HCN1: variants seen among roughly 807,000 people sequenced by gnomAD.
HCN1 encodes the protein hyperpolarization activated cyclic nucleotide gated potassium channel 1.
Under a neutral mutation model 78.9 loss-of-function variants are expected in HCN1, and 13 were observed. The ratio of observed to expected loss-of-function variants is 0.16; its 90% CI spans 0.11 to 0.26. HCN1 has a LOEUF of 0.26. Among genes scored for constraint, HCN1 ranks in the 10% least tolerant of loss-of-function variants. The probability of loss-of-function intolerance (pLI) is 1.00; values close to 1 mark genes in which losing one functional copy is unlikely to be tolerated. For synonymous variants in HCN1, 552 were observed against 455.5 expected, an observed-to-expected ratio of 1.21 and a Z score of -2.70; for missense variants, 810 against 1,154.3, an observed-to-expected ratio of 0.70 and a Z score of 4.32.
intron 6 of HCN1, among the ~76,000 whole-genome samples, chr5:45,286,838 T>A (rs1481972625): frequency 6.6e-6 from 1 of 152,032 alleles, no homozygotes; most frequent in Non-Finnish European, 1.5e-5. Context: ...ATCCCAATAA[T>A]GTAAGTTTAA....
At chr5:45,568,941 G>A (rs1579974621) in intron 2 of HCN1, among the ~76,000 whole-genome samples, 1 of 151,994 alleles carries the variant, frequency 6.6e-6, no homozygotes, top group Admixed American at 6.6e-5. Flanking sequence ...CTCAGAAACC[G>A]AAATTCCCCT....
chr5:45,426,913 A>G (rs996539750), intron 3 of HCN1, among the ~76,000 whole-genome samples: 10 of 152,300 alleles, frequency 6.6e-5, no homozygotes, highest in Middle Eastern at 3.4e-3. Context: ...AAAATTTAGC[A>G]GTTTCTATGT....
chr5:45,323,436 A>G (rs1746166152), intron 5 of HCN1, among the ~76,000 whole-genome samples: 1 of 151,936 alleles, frequency 6.6e-6, no homozygotes, highest in Non-Finnish European at 1.5e-5. Context: ...CTGTAGAACA[A>G]TCATGATATC....
intron 6 of HCN1, among the ~76,000 whole-genome samples, chr5:45,300,968 C>G (rs969542477): frequency 6.6e-6 from 1 of 151,954 alleles, no homozygotes; most frequent in Admixed American, 6.6e-5. Context: ...AATGGAACTT[C>G]AAAATTTTCC....
Position 45,262,297 on chromosome 5 carries a change from T to G in HCN1, c.2297A>C (p.Glu766Ala). ...AAGCGCCTGCGTGCTCTTGTGCACT[T>G]CATTTTTCGGCGTGGAGCTGCCAGG... Reference protein sequence around the residue: ...QTPGSSTPKNEVHKSTQALHN... With the variant: ...QTPGSSTPKNAVHKSTQALHN... The change falls in exon 8 of 8, where the codon GAA (glutamate) becomes GCA (alanine). Residue 766 changes from glutamate (E) to alanine (A), a missense_variant. Physicochemically the swap from Glu to Ala is moderately radical, Grantham distance 107. Around this residue, in one of 6 missense-constraint regions of HCN1, gnomAD observed 398 missense variants for 381.3 expected, o/e 1.04. Coordinates refer to ENST00000303230, the MANE Select transcript of HCN1 (RefSeq NM_021072.4). 6.2e-7 allele frequency: 1 copy of G among 1,614,008 alleles called. No homozygotes were observed. The highest frequency in any genetic ancestry group is 8.5e-7 in the Non-Finnish European group (1 of 1,180,032).
intron 1 of HCN1, among the ~76,000 whole-genome samples, chr5:45,669,503 G>A (rs1746109896): frequency 6.6e-6 from 1 of 151,700 alleles, no homozygotes; most frequent in African/African-American, 2.4e-5. Context: ...CCAGGACCAA[G>A]GAAACAGCTT....
At chr5:45,597,133 C>T (rs1744517946) in intron 2 of HCN1, among the ~76,000 whole-genome samples, 1 of 152,040 alleles carries the variant, frequency 6.6e-6, no homozygotes, top group South Asian at 2.1e-4. Flanking sequence ...TTTTTTAGAC[C>T]AATATCCCTG....
chr5:45,678,751 T>A (rs1038182186), intron 1 of HCN1, among the ~76,000 whole-genome samples: 2 of 152,050 alleles, frequency 1.3e-5, no homozygotes, highest in African/African-American at 4.8e-5. Flanking sequence ...TAAACTTAAG[T>A]ACAGTCTAAA....
At chr5:45,283,778 A>G (rs1196556191) in intron 6 of HCN1, among the ~76,000 whole-genome samples, 1 of 152,202 alleles carries the variant, frequency 6.6e-6, no homozygotes, top group Admixed American at 6.6e-5. Context: ...GGAACCAGCT[A>G]TCCCATTACC....
At chr5:45,375,368 CAA>C (rs1183095097) in intron 4 of HCN1, among the ~76,000 whole-genome samples, 63 of 98,846 alleles carry the variant, frequency 6.4e-4, no homozygotes, top group Non-Finnish European at 9.3e-4. Context: ...TTATGATATA[CAA>C]TATATATAAT....
At chr5:45,626,821 C>T (rs956459043) in intron 2 of HCN1, among the ~76,000 whole-genome samples, 10 of 151,790 alleles carry the variant, frequency 6.6e-5, no homozygotes, top group South Asian at 2.1e-4. Flanking sequence ...ATTTGGAGGA[C>T]GCAGAGAGTT....
intron 6 of HCN1, among the ~76,000 whole-genome samples, chr5:45,272,500 T>C (rs1431579243): frequency 2.0e-5 from 3 of 152,092 alleles, no homozygotes; most frequent in African/African-American, 7.2e-5. Flanking sequence ...TTATAGTGCC[T>C]GCTACATTGA....
intron 4 of HCN1, among the ~76,000 whole-genome samples, chr5:45,373,297 A>G (rs1464709939): frequency 6.2e-5 from 7 of 113,326 alleles, no homozygotes; most frequent in South Asian, 2.5e-4. Flanking sequence ...TATTATATAT[A>G]TTTTATATAC....
chr5:45,501,495 C>A (rs1220308280), intron 2 of HCN1, among the ~76,000 whole-genome samples: 2 of 151,836 alleles, frequency 1.3e-5, no homozygotes, highest in Admixed American at 1.3e-4. Flanking sequence ...AGTGTAGTGG[C>A]GTGACCTCGG....
intron 2 of HCN1, among the ~76,000 whole-genome samples, chr5:45,561,056 AT>A (rs567521039): frequency 7.9e-5 from 12 of 152,026 alleles, no homozygotes; most frequent in East Asian, 3.9e-4. Context: ...TCTTTAACAA[AT>A]TTTTTTTAAA....
intron 2 of HCN1, among the ~76,000 whole-genome samples, chr5:45,547,819 G>A (rs1743259974): frequency 6.6e-6 from 1 of 151,844 alleles, no homozygotes; most frequent in Non-Finnish European, 1.5e-5. Context: ...TCAGAGAAAA[G>A]AGACATTCCA....
chr5:45,410,815 C>A (rs1012582337), intron 3 of HCN1, among the ~76,000 whole-genome samples: 1 of 152,042 alleles, frequency 6.6e-6, no homozygotes. Context: ...AAATTCTTAT[C>A]CTATGTTGTG....
chr5:45,645,463 T>A lies in HCN1; in HGVS notation c.571A>T (p.Ile191Phe). The change falls in exon 2 of 8, where the codon ATC (isoleucine) becomes TTC (phenylalanine). Residue 191 changes from isoleucine to phenylalanine, a missense_variant. Physicochemically the swap from Ile to Phe is conservative, Grantham distance 21 (BLOSUM62 0). Around this residue, in one of 6 missense-constraint regions of HCN1, gnomAD observed 104 missense variants for 402.8 expected, o/e 0.26. Coordinates refer to ENST00000303230, the MANE Select transcript of HCN1 (RefSeq NM_021072.4). ...ACAGTCCCAGTCCTAAAATTCATGATCAGGTCCAATAGGAAAACTGTATCT... is the reference window on the plus strand; with the variant it reads ...ACAGTCCCAGTCCTAAAATTCATGAACAGGTCCAATAGGAAAACTGTATCT... ...ASDTVFLLDLIMNFRTGTVNE... is the reference protein window; with the variant it reads ...ASDTVFLLDLFMNFRTGTVNE... 6.2e-7 allele frequency: 1 copy of A among 1,613,748 alleles called. No homozygotes were observed. Among genetic ancestry groups the A allele is most frequent in the African/African-American group, 1.3e-5 (1 of 75,018 alleles).
At chr5:45,657,079 C>A (rs543468202) in intron 1 of HCN1, among the ~76,000 whole-genome samples, 18 of 152,152 alleles carry the variant, frequency 1.2e-4, no homozygotes, top group African/African-American at 4.3e-4. Context: ...CATATGTTTC[C>A]AGGTCTGTAA....
Sources: allele counts gnomAD v4.1 joint callset (sites outside exome capture counted in the v4.1 genomes callset), GRCh38; gene constraint gnomAD v4.1.1; regional missense constraint gnomAD v4.1.1; transcripts MANE v1.5; gene names NCBI Gene and HGNC (gene_info 2026-07-23, HGNC 2026-07-21).